Variants in KIF23 observed in about 807,000 individuals in gnomAD.
KIF23 encodes the protein kinesin family member 23.
In KIF23, 30 loss-of-function variants were observed where a neutral mutation model predicts 137.5. That is an observed-to-expected ratio of 0.22 (90% confidence interval 0.16 to 0.30). The LOEUF (loss-of-function observed/expected upper bound fraction) is 0.30. Among genes scored for constraint, KIF23 ranks in the 10% least tolerant of loss-of-function variants. The pLI, the probability that KIF23 is intolerant of heterozygous loss-of-function variation, is 1.00. For synonymous variants in KIF23, 367 were observed against 391.1 expected (o/e 0.94, Z 0.73); for missense variants, 920 against 1,194.3 (o/e 0.77, Z 3.38).
At chr15:69,416,813 G>A (rs983647542) in intron 2 of KIF23, among the ~76,000 whole-genome samples, 1 of 152,082 alleles carries the variant, frequency 6.6e-6, no homozygotes, top group African/African-American at 2.4e-5. Flanking sequence ...AAATTAGCTG[G>A]GTGTGGTGGT....
chr15:69,419,430 T>G (rs1189093298), intron 3 of KIF23, among the ~76,000 whole-genome samples: 1 of 152,234 alleles, frequency 6.6e-6, no homozygotes, highest in Non-Finnish European at 1.5e-5. Context: ...TCTTTTAGTA[T>G]TCATCCAATC....
At chr15:69,438,017 A>G (rs1383817646) in intron 15 of KIF23, among the ~76,000 whole-genome samples, 2 of 152,254 alleles carry the variant, frequency 1.3e-5, no homozygotes, top group Non-Finnish European at 2.9e-5. Context: ...TATAGTGCAC[A>G]GTGAAAGACT....
Position 69,447,936 on chromosome 15 carries a change from C to A in KIF23, c.*129C>A. The A allele has an allele frequency of 1.2e-6, 1 of 811,208 alleles. No homozygotes were observed. The highest frequency in any genetic ancestry group is 2.0e-6 in the Non-Finnish European group (1 of 503,670). The allele number at this position is 811,208 out of a possible 1,614,324, so 50.3% of individuals were successfully genotyped here. On this transcript the variant is annotated 3_prime_UTR_variant, in exon 24 of 24. Coordinates refer to ENST00000679126, the MANE Select transcript of KIF23 (RefSeq NM_001367805.3). ...TGTTGAAAATCACGGACCTCAGCTA[C>A]ATCATACACTGACCCAGAGCAAAGC... is the stretch of plus-strand genomic sequence containing the variant.
chr15:69,441,084 G>A lies in KIF23; in HGVS notation c.2421+5G>A. 1 of 1,598,480 alleles carries A rather than the reference G, an allele frequency of 6.3e-7. No homozygotes were observed. Among genetic ancestry groups the A allele is most frequent in the Non-Finnish European group, 8.5e-7 (1 of 1,170,738 alleles). ...GAAGAGGATCATTGCGGCAGGGTTA[G>A]TGCCAGTATTATTTTAACGCATTGT... On this transcript the variant is annotated splice_donor_5th_base_variant and intron_variant, in intron 19 of 23. Transcript: ENST00000679126.
intron 21 of KIF23, 94 bp downstream of exon 21, chr15:69,446,185 AT>A (rs2057736555): frequency 7.0e-7 from 1 of 1,438,354 alleles, no homozygotes; most frequent in Non-Finnish European, 9.8e-7. Flanking sequence ...TGTATCATTA[AT>A]TCTCCAAAGG....
chr15:69,440,613 T>C lies in KIF23; in HGVS notation c.2109+126T>C. On this transcript the variant is annotated intron_variant, in intron 18 of 23. Coordinates refer to ENST00000679126, the MANE Select transcript of KIF23 (RefSeq NM_001367805.3). ...TTTCTGAAATTTCTCTAAAAATATTTTAAAATTTAGAATAAACACAAATTT... is the reference window on the plus strand; with the variant it reads ...TTTCTGAAATTTCTCTAAAAATATTCTAAAATTTAGAATAAACACAAATTT... 3 of 1,176,970 alleles carry C rather than the reference T, an allele frequency of 2.5e-6. No homozygotes were observed. The South Asian group carries it at 5.5e-5, about 22-fold the overall frequency. The allele number at this position is 1,176,970 out of a possible 1,614,324, so 72.9% of individuals were successfully genotyped here. A position where few individuals can be genotyped will look rare whatever the true frequency, so the allele number is the denominator to read the frequency against.
chr15:69,416,170 T>A, intron 2 of KIF23, 107 bp downstream of exon 2: 1 of 661,920 alleles, frequency 1.5e-6, no homozygotes, highest in Non-Finnish European at 2.4e-6. Flanking sequence ...CATGTGGAAG[T>A]ATAATCAAAG....
intron 18 of KIF23, 50 bp downstream of exon 18, chr15:69,440,537 C>A: frequency 6.7e-7 from 1 of 1,492,450 alleles, no homozygotes; most frequent in South Asian, 1.3e-5. Context: ...AAATTTTGTT[C>A]AGATTAGATG....
intron 11 of KIF23, among the ~76,000 whole-genome samples, chr15:69,432,725 T>C (rs2057385664): frequency 6.6e-6 from 1 of 152,180 alleles, no homozygotes; most frequent in Non-Finnish European, 1.5e-5. Flanking sequence ...ATTCTTAAGT[T>C]TGTCATACAG....
At chr15:69,420,899 G>A (rs974008974) in intron 3 of KIF23, among the ~76,000 whole-genome samples, 2 of 152,078 alleles carry the variant, frequency 1.3e-5, no homozygotes, top group Non-Finnish European at 2.9e-5. Context: ...TTATAAGTGT[G>A]AGCCACTATG....
In KIF23 at chr15:69,436,228, T is replaced by C. The variant is rs760919839; in HGVS notation, c.1405T>C (p.Tyr469His). 97 of 1,613,994 alleles carry C rather than the reference T, an allele frequency of 6.0e-5. 2 individuals are homozygous for C. In the South Asian group the frequency reaches 1.0e-3, roughly 17 times the overall value. ...ATGTGGTTTAACGCCTGGGAGGAGA[T>C]ACAGAAACCAGCCTCGAGGTCCAGT... ...AICGLTPGRR[Y>H]RNQPRGPVGN... Residue 469 changes from tyrosine to histidine, a missense_variant, in exon 14 of 24, where the codon TAC (tyrosine) becomes CAC (histidine). Physicochemically the swap from Tyr to His is moderately conservative, Grantham distance 83. Transcript: ENST00000679126.
At chr15:69,447,483 A>C (rs112635004) in intron 23 of KIF23, among the ~76,000 whole-genome samples, 1 of 152,308 alleles carries the variant, frequency 6.6e-6, no homozygotes, top group South Asian at 2.1e-4. Flanking sequence ...TTACAAATAC[A>C]TACATATATG....
chr15:69,436,006 A>T, intron 13 of KIF23, 132 bp from the exon 14 acceptor site: 1 of 1,257,170 alleles, frequency 8.0e-7, no homozygotes, highest in Non-Finnish European at 1.1e-6. Context: ...AGTCGTGTTC[A>T]TGCCACTGCA....
At chr15:69,437,815 AG>A (rs1303145967) in intron 15 of KIF23, among the ~76,000 whole-genome samples, 7 of 152,156 alleles carry the variant, frequency 4.6e-5, no homozygotes, top group African/African-American at 1.7e-4. Flanking sequence ...TGTGAGATAA[AG>A]TGGTATTTAA....
chr15:69,422,210 G>T, intron 5 of KIF23, 82 bp downstream of exon 5: 1 of 1,507,042 alleles, frequency 6.6e-7, no homozygotes, highest in Non-Finnish European at 9.0e-7. Flanking sequence ...AAGAACCAAA[G>T]CACTGGATTC....
intron 11 of KIF23, chr15:69,434,982 A>T: frequency 1.6e-6 from 1 of 627,196 alleles, no homozygotes; most frequent in South Asian, 2.0e-5. Flanking sequence ...GGCCGTGGAC[A>T]GCTTCAGAAA....
chr15:69,434,938 C>A, intron 11 of KIF23: 1 of 674,698 alleles, frequency 1.5e-6, no homozygotes. Flanking sequence ...CAGCTGTACG[C>A]GGGCATGAGG....
Position 69,446,273 on chromosome 15 carries a change from C to G in KIF23, c.2757-10C>G. ...AAAATAATTGTTGCATCATGTTTCCCCTTTTTCAGTAGTCGAAAACGAAGA... is the reference window on the plus strand; with the variant it reads ...AAAATAATTGTTGCATCATGTTTCCGCTTTTTCAGTAGTCGAAAACGAAGA... On this transcript the variant is annotated splice_polypyrimidine_tract_variant and intron_variant, in intron 21 of 23. Transcript: ENST00000679126. The G allele has an allele frequency of 6.2e-7, 1 of 1,612,710 alleles. No homozygotes were observed. Among genetic ancestry groups the G allele is most frequent in the Non-Finnish European group, 8.5e-7 (1 of 1,178,786 alleles).
In KIF23 at chr15:69,435,685, C is replaced by G. The variant is rs771894092; in HGVS notation, c.1228C>G (p.Leu410Val). ...ATATCGAGATTCAAAGTTAACCCAT[C>G]TGTTCAAGAACTACTTTGATGGGGA... The part of the protein sequence containing the change: ...VPYRDSKLTH[L>V]FKNYFDGEGK... The change falls in exon 13 of 24, where the codon CTG becomes GTG. Residue 410 changes from leucine to valine, a missense_variant. Transcript: ENST00000679126. 18 of 1,614,004 alleles carry G rather than the reference C, an allele frequency of 1.1e-5. No individual in the cohort carries two copies. The East Asian group carries it at 3.8e-4, about 34-fold the overall frequency.
Sources: gnomAD v4.1 joint callset for allele counts (sites outside exome capture counted in the v4.1 genomes callset) on GRCh38, gnomAD v4.1.1 for gene constraint, MANE v1.5 for transcripts, NCBI Gene and HGNC (gene_info 2026-07-23, HGNC 2026-07-21) for gene names.